The following IGSF5 variants were observed in gnomAD, a reference collection of about 807,000 sequenced individuals.
IGSF5 encodes the protein immunoglobulin superfamily member 5.
A neutral mutation model predicts 39.4 loss-of-function variants in IGSF5; 41 were observed. The observed-to-expected ratio is 1.04, with a 90% CI of 0.81 to 1.35. IGSF5 has a LOEUF of 1.35. IGSF5 is among the 40% of genes most tolerant of loss of function. The probability of loss-of-function intolerance (pLI) is 0.00; values close to 1 mark genes in which losing one functional copy is unlikely to be tolerated. For synonymous variants in IGSF5, 183 were observed against 175.3 expected (o/e 1.04, Z -0.34); for missense variants, 487 against 494.6 (o/e 0.98, Z 0.15).
intron 8 of IGSF5, among the ~76,000 whole-genome samples, chr21:39,796,092 C>T (rs1472874832): frequency 2.6e-5 from 4 of 152,120 alleles, no homozygotes; most frequent in Non-Finnish European, 4.4e-5. Context: ...GTACCATGGG[C>T]CGTGTTTCCT....
intron 1 of IGSF5, among the ~76,000 whole-genome samples, 193 bp from the exon 2 acceptor site, chr21:39,746,023 C>A (rs183563070): frequency 6.6e-6 from 1 of 152,260 alleles, no homozygotes; most frequent in African/African-American, 2.4e-5. Context: ...CTCACGAATT[C>A]CAAGGAATGG....
At chr21:39,770,877 G>A (rs2080110276) in intron 3 of IGSF5, 39 bp from the exon 4 acceptor site, 6 of 1,328,126 alleles carry the variant, frequency 4.5e-6, no homozygotes, top group Admixed American at 2.9e-5. Context: ...CGAGAGGCAT[G>A]GTCATGTCTT....
chr21:39,731,191 T>C, the IGSF5 span, among the ~76,000 whole-genome samples: 1 of 152,212 alleles, frequency 6.6e-6, no homozygotes, highest in East Asian at 1.9e-4. Flanking sequence ...TAAGATAATC[T>C]AGGATAATCT....
chr21:39,771,051 C>G lies in IGSF5; in HGVS notation c.554C>G (p.Ser185Ter), dbSNP rs748941524. The G allele has an allele frequency of 7.5e-5, 121 of 1,613,632 alleles. No individual in the cohort carries two copies. The highest frequency in any genetic ancestry group is 1.0e-4 in the Non-Finnish European group (121 of 1,179,870). ...GAGCTCGGTCTCCTGGTCAGCCATT[C>G]AAGCTATTATTTTGTTCCGGAGCCC... The part of the protein sequence containing the change: ...SWELGLLVSH[S>*]SYYFVPEPSD... Residue 185 changes from serine to a stop codon, truncating the protein, a stop_gained, in exon 4 of 9, where the codon TCA (serine) becomes TGA (stop). Coordinates refer to ENST00000380588, the MANE Select transcript of IGSF5 (RefSeq NM_001080444.2). LOFTEE classifies it high-confidence loss of function.
In IGSF5 at chr21:39,785,273, A is replaced by C. The variant is rs187318841; in HGVS notation, c.935-2894A>C. The stretch of plus-strand genomic sequence containing the variant: ...GGCATGGGCAAGGACTTTATGTCTA[A>C]AACACCAAAAACAATGGCAGCACCA... On this transcript the variant is annotated intron_variant, in intron 5 of 8. Transcript: ENST00000380588. Among the ~76,000 whole-genome samples the C allele has an allele frequency of 5.9e-5, 9 of 151,744 alleles. No individual in the cohort carries two copies. In the Admixed American group the frequency reaches 6.0e-4, roughly 10 times the overall value.
intron 4 of IGSF5, among the ~76,000 whole-genome samples, chr21:39,776,374 A>C (rs2080140964): frequency 6.6e-6 from 1 of 152,150 alleles, no homozygotes; most frequent in South Asian, 2.1e-4. Context: ...CCCAGGCATA[A>C]AACTTGGAAC....
intron 3 of IGSF5, among the ~76,000 whole-genome samples, chr21:39,767,473 A>C (rs1329766575): frequency 6.6e-6 from 1 of 152,212 alleles, no homozygotes; most frequent in Admixed American, 6.5e-5. Context: ...GACCTGGGAC[A>C]CAATTACTTA....
chr21:39,738,402 G>A, the IGSF5 span, among the ~76,000 whole-genome samples: 3 of 152,274 alleles, frequency 2.0e-5, no homozygotes, highest in East Asian at 1.9e-4. The surrounding 1 kb of genome is among the most constrained non-coding windows in gnomAD (Gnocchi z 6.4). Flanking sequence ...CCCACAATAC[G>A]CAGGAATTAA....
At chr21:39,718,117 TG>T in the IGSF5 span, among the ~76,000 whole-genome samples, 1 of 152,014 alleles carries the variant, frequency 6.6e-6, no homozygotes, top group African/African-American at 2.4e-5. Flanking sequence ...CAATTGAGAG[TG>T]GGATTGCCTT....
chr21:39,755,774 T>C (rs960917713), intron 2 of IGSF5, among the ~76,000 whole-genome samples: 2 of 151,990 alleles, frequency 1.3e-5, no homozygotes, highest in Admixed American at 6.5e-5. Flanking sequence ...GGTCCCACAG[T>C]GAAATGGTGC....
the IGSF5 span, among the ~76,000 whole-genome samples, chr21:39,717,106 T>C: frequency 2.6e-5 from 4 of 152,212 alleles, no homozygotes; most frequent in Admixed American, 1.3e-4. Context: ...ATCAGTGATA[T>C]TGAGCTTTTT....
At chr21:39,763,313 G>A (rs1461921654) in intron 2 of IGSF5, among the ~76,000 whole-genome samples, 1 of 152,168 alleles carries the variant, frequency 6.6e-6, no homozygotes, top group Non-Finnish European at 1.5e-5. Flanking sequence ...TCTTAAACAG[G>A]TGGAACTAAA....
At chr21:39,745,959 A>C (rs424447) in intron 1 of IGSF5, among the ~76,000 whole-genome samples, 1 of 151,988 alleles carries the variant, frequency 6.6e-6, no homozygotes, top group Non-Finnish European at 1.5e-5. Flanking sequence ...GATGGTGGTG[A>C]GCCACTTCCA....
At chr21:39,778,835 A>G (rs1306572531) in intron 4 of IGSF5, among the ~76,000 whole-genome samples, 1 of 152,230 alleles carries the variant, frequency 6.6e-6, no homozygotes, top group Non-Finnish European at 1.5e-5. Flanking sequence ...CAGGGATATT[A>G]GAGACATTAA....
chr21:39,750,393 G>A (rs1036175230), intron 2 of IGSF5, among the ~76,000 whole-genome samples: 8 of 151,842 alleles, frequency 5.3e-5, no homozygotes, highest in African/African-American at 9.7e-5. Context: ...CTGTAATCCC[G>A]GCACTTTGGA....
rs1049742425 is a variant in IGSF5 at position 39,745,349 on chromosome 21, G to T, written c.-161G>T. 10 of 559,998 alleles carry T rather than the reference G, an allele frequency of 1.8e-5. No homozygotes were observed. The highest frequency in any genetic ancestry group is 1.7e-4 in the African/African-American group (9 of 52,358). 34.7% of individuals were successfully genotyped at this position (559,998 alleles called of 1,614,324 possible). A position where few individuals can be genotyped will look rare whatever the true frequency, so the allele number is the denominator to read the frequency against. On this transcript the variant is annotated 5_prime_UTR_variant, in exon 1 of 9. Transcript: ENST00000380588. ...TAGCCTAGGTGCCTGAGGACGCAGC[G>T]TAGGGCTTCCTTAGATCCCTTTGGA... is the stretch of plus-strand genomic sequence containing the variant.
chr21:39,770,398 G>A (rs2080107815), intron 3 of IGSF5, among the ~76,000 whole-genome samples: 1 of 152,144 alleles, frequency 6.6e-6, no homozygotes, highest in Non-Finnish European at 1.5e-5. Flanking sequence ...ACCCTAGGAA[G>A]TTATGTTTAA....
the IGSF5 span, among the ~76,000 whole-genome samples, chr21:39,736,554 A>G: frequency 6.6e-6 from 1 of 152,154 alleles, no homozygotes; most frequent in African/African-American, 2.4e-5. Flanking sequence ...AACTTAAAGT[A>G]TAATTTAAAA....
intron 2 of IGSF5, among the ~76,000 whole-genome samples, chr21:39,763,844 G>A (rs934627996): frequency 1.3e-5 from 2 of 152,094 alleles, no homozygotes; most frequent in Admixed American, 1.3e-4. Flanking sequence ...AGGGCATTGC[G>A]GCTTCCCTGG....
Sources: allele counts gnomAD v4.1 joint callset (sites outside exome capture counted in the v4.1 genomes callset), GRCh38; gene constraint gnomAD v4.1.1; non-coding constraint Gnocchi (gnomAD v3.1); transcripts MANE v1.5; gene names NCBI Gene and HGNC (gene_info 2026-07-23, HGNC 2026-07-21).